Variants in OGDH observed in about 807,000 individuals in gnomAD.
OGDH encodes the protein oxoglutarate dehydrogenase.
A neutral mutation model predicts 116.6 loss-of-function variants in OGDH; 38 were observed. The ratio of observed to expected loss-of-function variants is 0.33; its 90% CI spans 0.25 to 0.43. The LOEUF (loss-of-function observed/expected upper bound fraction) is 0.43. Ranked by LOEUF, OGDH falls within the 20% of genes least tolerant of loss-of-function variation. The pLI is 1.00. For synonymous variants in OGDH, 488 were observed against 533.3 expected, an observed-to-expected ratio of 0.92 and a Z score of 1.17; for missense variants, 825 against 1,357.2, an observed-to-expected ratio of 0.61 and a Z score of 6.16.
chr7:44,610,913 T>C (rs990583938), intron 1 of OGDH, among the ~76,000 whole-genome samples: 1 of 152,176 alleles, frequency 6.6e-6, no homozygotes, highest in African/African-American at 2.4e-5. Flanking sequence ...CAGCCCCTTT[T>C]CATCTTCTTA....
rs1585413316 is a variant in OGDH at position 44,707,932 on chromosome 7, A to C, written c.3005A>C (p.His1002Pro). 1 of 1,613,756 alleles carries C rather than the reference A, an allele frequency of 6.2e-7. No individual in the cohort carries two copies. Among genetic ancestry groups the C allele is most frequent in the Non-Finnish European group, 8.5e-7 (1 of 1,179,986 alleles). The change falls in exon 23 of 23, where the codon CAC becomes CCC. Residue 1002 changes from histidine (H) to proline (P), a missense_variant. Around this residue, in one of 7 missense-constraint regions of OGDH, gnomAD observed 212 missense variants for 284.3 expected, o/e 0.75. Coordinates refer to ENST00000222673, the MANE Select transcript of OGDH (RefSeq NM_002541.4). This position sits in a 1 kb window ranked among gnomAD's most constrained non-coding sequence, Gnocchi z 5.2. The stretch of plus-strand genomic sequence containing the variant: ...CCAGCCACCGGCAACAAGAAGACCC[A>C]CCTGACGGAGCTGCAGCGCCTCCTG... ...AAPATGNKKT[H>P]LTELQRLLDT...
At chr7:44,625,150 A>G (rs1785155063) in intron 2 of OGDH, among the ~76,000 whole-genome samples, 1 of 152,074 alleles carries the variant, frequency 6.6e-6, no homozygotes, top group African/African-American at 2.4e-5. Context: ...TGTTTCAGAC[A>G]GAGTCCCACT....
intron 20 of OGDH, among the ~76,000 whole-genome samples, chr7:44,703,218 C>T (rs1032439832): frequency 6.6e-6 from 1 of 151,940 alleles, no homozygotes; most frequent in African/African-American, 2.4e-5. Flanking sequence ...AAGTTTGAGA[C>T]GAGCCTGGCC....
intron 4 of OGDH, among the ~76,000 whole-genome samples, chr7:44,657,007 C>T (rs997919903): frequency 1.3e-5 from 2 of 152,168 alleles, no homozygotes; most frequent in Non-Finnish European, 2.9e-5. Context: ...TTTTTATCAT[C>T]CTTCTAATAT....
intron 1 of OGDH, among the ~76,000 whole-genome samples, chr7:44,610,516 C>T (rs924875844): frequency 1.3e-5 from 2 of 151,968 alleles, no homozygotes; most frequent in African/African-American, 4.8e-5. Context: ...GTTGGTCAGG[C>T]TGGTCTCGAA....
intron 4 of OGDH, among the ~76,000 whole-genome samples, chr7:44,663,912 C>T (rs1255250438): frequency 6.6e-6 from 1 of 151,602 alleles, no homozygotes; most frequent in Non-Finnish European, 1.5e-5. Context: ...TACACTCCAG[C>T]CTATGCGACA....
chr7:44,685,231 A>G (rs779922077), intron 10 of OGDH, among the ~76,000 whole-genome samples: 1 of 152,152 alleles, frequency 6.6e-6, no homozygotes, highest in Non-Finnish European at 1.5e-5. Flanking sequence ...TTCGTCTCCA[A>G]CAGAAATTCC....
chr7:44,707,245 A>G lies in OGDH; in HGVS notation c.2653A>G (p.Ile885Val), dbSNP rs765456287. ...MLPGTHFQRV[I>V]PEDGPAAQNP... is the part of the protein sequence containing the mutation. ...TGTAGGAACCCACTTCCAGCGGGTG[A>G]TCCCAGAAGATGGCCCTGCAGCTCA... Residue 885 changes from isoleucine (I) to valine (V), a missense_variant, in exon 21 of 23, where the codon ATC becomes GTC. Transcript: ENST00000222673. This position sits in a 1 kb window ranked among gnomAD's most constrained non-coding sequence, Gnocchi z 5.2. 1 of 1,614,224 alleles carries G rather than the reference A, an allele frequency of 6.2e-7. No individual in the cohort carries two copies. The highest frequency in any genetic ancestry group is 1.1e-5 in the South Asian group (1 of 91,088).
chr7:44,635,277 G>T (rs1785613896), intron 2 of OGDH, among the ~76,000 whole-genome samples: 1 of 152,174 alleles, frequency 6.6e-6, no homozygotes, highest in South Asian at 2.1e-4. Context: ...GTTACATGGT[G>T]CCCTGTAGTT....
rs1389645737 is a variant in OGDH at position 44,707,846 on chromosome 7, CT to C, written c.2952-32del. 6.8e-6 allele frequency: 11 copies of C among 1,609,150 alleles called. No individual in the cohort carries two copies. In the African/African-American group the frequency reaches 8.0e-5, roughly 12 times the overall value. ...ATGGGCTGGGCCAACTCAGTGTCCC[CT>C]GCCCTCACTGCCCCCTCCCTCCATC... On this transcript the variant is annotated intron_variant, in intron 22 of 22. Transcript: ENST00000222673. This position sits in a 1 kb window ranked among gnomAD's most constrained non-coding sequence, Gnocchi z 5.2.
At chr7:44,660,983 TGTTGA>T (rs1786914056) in intron 4 of OGDH, among the ~76,000 whole-genome samples, 1 of 152,132 alleles carries the variant, frequency 6.6e-6, no homozygotes, top group Non-Finnish European at 1.5e-5. Context: ...AGTTAATGGC[TGTTGA>T]GTTCTGTATT....
At chr7:44,653,175 C>T (rs1460321080) in intron 4 of OGDH, among the ~76,000 whole-genome samples, 1 of 151,980 alleles carries the variant, frequency 6.6e-6, no homozygotes, top group Admixed American at 6.6e-5. Flanking sequence ...CTCACTGCAA[C>T]CTCCACCTCC....
At chr7:44,634,083 G>C (rs1295802587) in intron 2 of OGDH, among the ~76,000 whole-genome samples, 1 of 152,236 alleles carries the variant, frequency 6.6e-6, no homozygotes, top group East Asian at 1.9e-4. Context: ...CCCACTGCCA[G>C]CTCCCTTGGA....
At position 44,666,829 on chromosome 7, in the gene OGDH, G is replaced by A. The variant is rs201136061; in HGVS notation, c.611G>A (p.Arg204Gln). 2.4e-4 allele frequency: 381 copies of A among 1,610,474 alleles called. No individual in the cohort carries two copies. The highest frequency in any genetic ancestry group is 3.0e-4 in the Non-Finnish European group (357 of 1,178,176). The change falls in exon 5 of 23, where the codon CGG (arginine) becomes CAG (glutamine). Residue 204 changes from arginine to glutamine, a missense_variant. Arg to Gln is a conservative substitution (Grantham distance 43, BLOSUM62 1). This residue lies in a region of OGDH where 171 missense variants were observed against 276.8 expected (regional missense o/e 0.62). Transcript: ENST00000222673. ...IGGQESALPL[R>Q]EIIRRLEMAY... Reference sequence around the variant, plus strand: ...GGACAGGAATCAGCACTTCCTCTGCGGGAGATCATCCGTCGGCTGGAGGTA... The same window carrying A: ...GGACAGGAATCAGCACTTCCTCTGCAGGAGATCATCCGTCGGCTGGAGGTA...
intron 1 of OGDH, among the ~76,000 whole-genome samples, chr7:44,622,442 C>T (rs527461266): frequency 7.2e-5 from 11 of 152,124 alleles, no homozygotes; most frequent in African/African-American, 2.4e-4. Flanking sequence ...TTGTAAGGAG[C>T]AAGTTTTTGT....
chr7:44,701,567 C>T lies in OGDH; in HGVS notation c.2584C>T (p.Leu862=). 2 of 1,614,148 alleles carry T rather than the reference C, an allele frequency of 1.2e-6. No individual in the cohort carries two copies. Among genetic ancestry groups the T allele is most frequent in the Non-Finnish European group, 1.7e-6 (2 of 1,180,022 alleles). The change falls in exon 20 of 23, where the codon CTG becomes TTG. Residue 862 remains leucine (L), a synonymous_variant. Coordinates refer to ENST00000222673, the MANE Select transcript of OGDH (RefSeq NM_002541.4). ...GTTAATTATCTTCACCCCCAAATCC[C>T]TGTTGCGCCACCCCGAGGCCAGATC... ...KPLIIFTPKS[L]LRHPEARSSF...
intron 1 of OGDH, among the ~76,000 whole-genome samples, chr7:44,613,319 G>A (rs1784638701): frequency 1.3e-5 from 2 of 152,034 alleles, no homozygotes; most frequent in South Asian, 4.2e-4. Context: ...GGGACTATAG[G>A]CACCCGCCAC....
Position 44,675,976 on chromosome 7 carries a change from G to A in OGDH, c.1033G>A (p.Gly345Arg). ...TCACTGTTTACCCCATCAGGGCTCCGGAGATGTGAAGTACCACCTGGGCAT... is the reference window on the plus strand; with the variant it reads ...TCACTGTTTACCCCATCAGGGCTCCAGAGATGTGAAGTACCACCTGGGCAT... ...SKLEAADEGS[G>R]DVKYHLGMYH... The change falls in exon 9 of 23, where the codon GGA becomes AGA. Residue 345 changes from glycine to arginine, a missense_variant. Transcript: ENST00000222673. 2 of 1,613,826 alleles carry A rather than the reference G, an allele frequency of 1.2e-6. No homozygotes were observed. The highest frequency in any genetic ancestry group is 2.2e-5 in the East Asian group (1 of 44,862).
At chr7:44,692,997 C>T (rs912127326) in intron 10 of OGDH, among the ~76,000 whole-genome samples, 13 of 140,588 alleles carry the variant, frequency 9.2e-5, no homozygotes, top group African/African-American at 3.7e-4. Flanking sequence ...CAGACCATGA[C>T]TCTCTCTTTA....
Sources: allele counts gnomAD v4.1 joint callset (sites outside exome capture counted in the v4.1 genomes callset), GRCh38; gene constraint gnomAD v4.1.1; regional missense constraint gnomAD v4.1.1; non-coding constraint Gnocchi (gnomAD v3.1); transcripts MANE v1.5; gene names NCBI Gene and HGNC (gene_info 2026-07-23, HGNC 2026-07-21).